NDUFA10: variants seen among roughly 807,000 people sequenced by gnomAD.
The protein encoded by NDUFA10 is NADH:ubiquinone oxidoreductase subunit A10, also known as NADH dehydrogenase [ubiquinone] 1 alpha subcomplex subunit 10, mitochondrial.
A neutral mutation model predicts 47.8 loss-of-function variants in NDUFA10; 40 were observed. The observed-to-expected ratio is 0.84, with a 90% CI of 0.65 to 1.09. NDUFA10 has a LOEUF of 1.09. Among genes scored for constraint, NDUFA10 ranks in the 50% least tolerant of loss-of-function variants. The probability of loss-of-function intolerance (pLI) is 0.00; values close to 1 mark genes in which losing one functional copy is unlikely to be tolerated. For missense variants in NDUFA10, 413 were observed against 451.1 expected (o/e 0.92, Z 0.76); for synonymous variants, 183 against 172.2 (o/e 1.06, Z -0.49).
chr2:239,927,982 T>C (rs1370459548), intron 4 of NDUFA10, among the ~76,000 whole-genome samples: 1 of 152,192 alleles, frequency 6.6e-6, no homozygotes, highest in Admixed American at 6.5e-5. Context: ...GTTTGCAATT[T>C]CTTGTGCATG....
rs563960189 is a variant in NDUFA10, at chr2:239,914,496, G to A, written c.295-19182C>T. ...ACACACAAATATAGACACACACAGA[G>A]ATACACAAACATACACACAGAACAC... On this transcript the variant is annotated intron_variant, in intron 4 of 5. Coordinates refer to the NDUFA10 transcript ENST00000419408. Among the ~76,000 whole-genome samples the A allele has an allele frequency of 1.6e-3, 230 of 141,956 alleles. 4 individuals are homozygous for A. Among genetic ancestry groups the A allele is most frequent in the African/African-American group, 5.9e-3 (221 of 37,422 alleles). The allele number at this position is 141,956 out of a possible 152,430, so 93.1% of individuals were successfully genotyped here.
intron 4 of NDUFA10, among the ~76,000 whole-genome samples, chr2:239,932,083 T>C (rs1348564917): frequency 2.0e-5 from 3 of 151,892 alleles, no homozygotes; most frequent in African/African-American, 2.4e-5. Flanking sequence ...ATCCACCCTC[T>C]TCGGCCTCCC....
intron 4 of NDUFA10, among the ~76,000 whole-genome samples, chr2:239,921,990 C>T (rs200248499): frequency 0.081 from 11,530 of 142,164 alleles, 752 homozygotes; most frequent in East Asian, 0.25. Context: ...CTTTCCTTCC[C>T]TCCCTCCTTC....
intron 9 of NDUFA10, among the ~76,000 whole-genome samples, chr2:239,985,531 G>A (rs1695964212): frequency 6.6e-6 from 1 of 150,956 alleles, no homozygotes; most frequent in South Asian, 2.1e-4. Context: ...AGAATATGGT[G>A]CATGGTGAAA....
At chr2:239,931,498 C>T (rs1355238047) in intron 4 of NDUFA10, among the ~76,000 whole-genome samples, 1 of 152,264 alleles carries the variant, frequency 6.6e-6, no homozygotes, top group Non-Finnish European at 1.5e-5. Context: ...GGGGACACCA[C>T]TCGCCTCGCC....
chr2:240,012,625 T>C (rs1417005908), intron 5 of NDUFA10: 1 of 152,240 alleles, frequency 6.6e-6, no homozygotes, highest in East Asian at 1.9e-4. Flanking sequence ...GTCGTACCCT[T>C]AAAATGGGTG....
intron 3 of NDUFA10, among the ~76,000 whole-genome samples, chr2:240,019,065 T>G (rs1697494851): frequency 6.6e-6 from 1 of 152,116 alleles, no homozygotes; most frequent in Non-Finnish European, 1.5e-5. Context: ...GACGGACACT[T>G]GTGCAGCTCA....
chr2:239,982,126 T>C (rs1170329264), intron 9 of NDUFA10: 2 of 1,612,784 alleles, frequency 1.2e-6, no homozygotes, highest in Non-Finnish European at 1.7e-6. Context: ...TGAAGACCGA[T>C]GAGAAGGTCT....
At chr2:239,915,216 G>T in intron 4 of NDUFA10, among the ~76,000 whole-genome samples, 1 of 122,678 alleles carries the variant, frequency 8.2e-6, no homozygotes, top group Non-Finnish European at 1.7e-5. Flanking sequence ...CAAATACACA[G>T]ACACAGAGAG....
intron 8 of NDUFA10, among the ~76,000 whole-genome samples, chr2:240,000,015 G>T (rs1406554779): frequency 6.6e-6 from 1 of 152,240 alleles, no homozygotes; most frequent in Non-Finnish European, 1.5e-5. Flanking sequence ...CGTGTCTGCG[G>T]TGATGTGGCA....
intron 4 of NDUFA10, among the ~76,000 whole-genome samples, chr2:239,913,457 C>T: frequency 6.6e-6 from 1 of 152,220 alleles, no homozygotes; most frequent in East Asian, 1.9e-4. Flanking sequence ...CCAAGAGCTT[C>T]ATCTCTAAGG....
intron 9 of NDUFA10, among the ~76,000 whole-genome samples, chr2:239,985,804 G>A (rs1200170890): frequency 2.0e-5 from 3 of 151,832 alleles, no homozygotes; most frequent in South Asian, 2.1e-4. Flanking sequence ...CCAACTACTC[G>A]GGAGGCTGAG....
At chr2:239,896,392 A>C (rs1447946217) in intron 4 of NDUFA10, among the ~76,000 whole-genome samples, 1 of 152,238 alleles carries the variant, frequency 6.6e-6, no homozygotes, top group Non-Finnish European at 1.5e-5. Context: ...CACGCCTGTG[A>C]AGCTGGCAGT....
intron 4 of NDUFA10, among the ~76,000 whole-genome samples, chr2:239,907,269 TA>T (rs1225023164): frequency 1.3e-5 from 2 of 152,206 alleles, no homozygotes; most frequent in Non-Finnish European, 2.9e-5. Context: ...CAAGATGGAT[TA>T]AAGACTTAAA....
In NDUFA10 at chr2:239,987,848, A is replaced by G. The variant is rs1243165414; in HGVS notation, c.999+2226T>C. On this transcript the variant is annotated intron_variant, in intron 9 of 9. Transcript: ENST00000252711. The surrounding 1 kb of genome is among the most constrained non-coding windows in gnomAD (Gnocchi z 4.8). Reference sequence around the variant, plus strand: ...GATCATGCAAAACATGCGAGTGGGTACTCTGCTCTGGAACTGGAAAGCTAA... The same window carrying G: ...GATCATGCAAAACATGCGAGTGGGTGCTCTGCTCTGGAACTGGAAAGCTAA... Among the ~76,000 whole-genome samples, 1 of 152,236 alleles carries G rather than the reference A, an allele frequency of 6.6e-6. No individual in the cohort carries two copies. The highest frequency in any genetic ancestry group is 1.5e-5 in the Non-Finnish European group (1 of 68,052).
chr2:239,921,161 A>G (rs1238464249), intron 4 of NDUFA10, among the ~76,000 whole-genome samples: 1 of 152,022 alleles, frequency 6.6e-6, no homozygotes, highest in East Asian at 1.9e-4. Context: ...ACCTGCAGGA[A>G]CCGGGGCATG....
chr2:239,910,877 T>C (rs116582054), intron 4 of NDUFA10, among the ~76,000 whole-genome samples: 1 of 152,258 alleles, frequency 6.6e-6, no homozygotes, highest in African/African-American at 2.4e-5. Flanking sequence ...AGGCCCCGGC[T>C]CCTCCTCGTG....
chr2:239,997,795 A>C (rs974344214), intron 8 of NDUFA10, among the ~76,000 whole-genome samples: 3 of 152,260 alleles, frequency 2.0e-5, no homozygotes, highest in Non-Finnish European at 4.4e-5. Context: ...AGCTATATAC[A>C]GTTTCCATCA....
chr2:239,979,332 G>T (rs4149552), intron 9 of NDUFA10, among the ~76,000 whole-genome samples: 4 of 150,446 alleles, frequency 2.7e-5, no homozygotes, highest in Non-Finnish European at 5.9e-5. Context: ...TGGCTGAACT[G>T]GCTCCACCCC....
Sources: allele counts gnomAD v4.1 joint callset (sites outside exome capture counted in the v4.1 genomes callset), GRCh38; gene constraint gnomAD v4.1.1; non-coding constraint Gnocchi (gnomAD v3.1); transcripts MANE v1.5; gene names NCBI Gene and HGNC (gene_info 2026-07-23, HGNC 2026-07-21).